Variants in PCDH9 observed in about 807,000 individuals in gnomAD.
The protein encoded by PCDH9 is protocadherin-9.
A neutral mutation model predicts 70.6 loss-of-function variants in PCDH9; 24 were observed. The observed-to-expected ratio is 0.34, with a 90% CI of 0.25 to 0.48. PCDH9 has a LOEUF of 0.48. PCDH9 is among the 20% of genes least tolerant of loss of function. PCDH9 has a pLI of 0.99. For synonymous variants in PCDH9, 562 were observed against 558.5 expected (o/e 1.01, Z -0.09); for missense variants, 1,281 against 1,503.6 (o/e 0.85, Z 2.45).
intron 4 of PCDH9, among the ~76,000 whole-genome samples, chr13:66,558,606 C>G (rs1244434015): frequency 6.6e-6 from 1 of 151,950 alleles, no homozygotes; most frequent in Non-Finnish European, 1.5e-5. Flanking sequence ...TCCTTCCTCT[C>G]TGAAACTTTC....
At chr13:66,988,992 G>A (rs894791838) in intron 2 of PCDH9, among the ~76,000 whole-genome samples, 2 of 151,884 alleles carry the variant, frequency 1.3e-5, no homozygotes, top group Non-Finnish European at 1.5e-5. Flanking sequence ...AGATATTCAT[G>A]TTATAGATAC....
At chr13:66,628,725 G>A (rs1332394459) in intron 4 of PCDH9, among the ~76,000 whole-genome samples, 1 of 152,100 alleles carries the variant, frequency 6.6e-6, no homozygotes, top group Non-Finnish European at 1.5e-5. Context: ...TCTTCAAATA[G>A]ATTTTCAGTA....
At chr13:66,572,706 T>C (rs73194743) in intron 4 of PCDH9, among the ~76,000 whole-genome samples, 1 of 152,050 alleles carries the variant, frequency 6.6e-6, no homozygotes, top group Non-Finnish European at 1.5e-5. Flanking sequence ...ATTGATCTCC[T>C]TTCTCTTGGA....
chr13:66,403,050 A>G (rs1305566196), intron 4 of PCDH9, among the ~76,000 whole-genome samples: 1 of 152,142 alleles, frequency 6.6e-6, no homozygotes, highest in Non-Finnish European at 1.5e-5. Context: ...TCTGAGAAAG[A>G]AGAAAAAGAC....
Position 67,228,223 on chromosome 13 carries a change from G to A in PCDH9, c.218C>T (p.Ala73Val). Residue 73 changes from alanine (A) to valine (V), a missense_variant, in exon 2 of 5, where the codon GCC becomes GTC. Physicochemically the swap from Ala to Val is moderately conservative, Grantham distance 64. Transcript: ENST00000377865. Reference protein sequence around the residue: ...VYRLVSKAGDAPLVKVSSSTG... With the variant: ...VYRLVSKAGDVPLVKVSSSTG... ...GCTGCTGGAAACTTTCACCAAAGGGGCATCCCCAGCTTTAGAAACCAGTCT... is the reference window on the plus strand; with the variant it reads ...GCTGCTGGAAACTTTCACCAAAGGGACATCCCCAGCTTTAGAAACCAGTCT... 6.2e-7 allele frequency: 1 copy of A among 1,612,380 alleles called. No homozygotes were observed.
At chr13:66,648,688 C>T (rs1192208056) in intron 3 of PCDH9, among the ~76,000 whole-genome samples, 2 of 151,932 alleles carry the variant, frequency 1.3e-5, no homozygotes, top group African/African-American at 4.8e-5. Context: ...TCTCAAGTAT[C>T]AAGACCATCC....
chr13:66,679,306 ATACC>A (rs943744028), intron 3 of PCDH9, among the ~76,000 whole-genome samples: 9 of 151,802 alleles, frequency 5.9e-5, no homozygotes, highest in African/African-American at 2.2e-4. Context: ...TACAATTATA[ATACC>A]TACATTATTA....
At chr13:67,102,490 A>G (rs2086454284) in intron 2 of PCDH9, among the ~76,000 whole-genome samples, 1 of 152,198 alleles carries the variant, frequency 6.6e-6, no homozygotes, top group South Asian at 2.1e-4. Flanking sequence ...AAATAACAAA[A>G]GTCAAAAGGT....
intron 4 of PCDH9, among the ~76,000 whole-genome samples, chr13:66,383,141 A>T (rs551458225): frequency 2.0e-5 from 3 of 152,342 alleles, no homozygotes; most frequent in African/African-American, 7.2e-5. Context: ...TTATTTTCTG[A>T]TGATCAACAA....
At chr13:66,900,249 A>G (rs931996927) in intron 3 of PCDH9, among the ~76,000 whole-genome samples, 1 of 151,894 alleles carries the variant, frequency 6.6e-6, no homozygotes, top group African/African-American at 2.4e-5. Flanking sequence ...AGCAAATTAC[A>G]TAACCTCTCA....
At chr13:66,437,404 C>CAAAAAAAAAAAAAAAAAAAAAA (rs66796123) in intron 4 of PCDH9, among the ~76,000 whole-genome samples, 2 of 45,588 alleles carry the variant, frequency 4.4e-5, no homozygotes, top group African/African-American at 1.4e-4. Context: ...GACTCTGTCT[C>CAAAAAAAAAAAAAAAAAAAAAA]AAAAAAAAAA....
At chr13:67,184,563 T>G (rs375424297) in intron 2 of PCDH9, among the ~76,000 whole-genome samples, 25 of 152,206 alleles carry the variant, frequency 1.6e-4, no homozygotes, top group African/African-American at 5.8e-4. Flanking sequence ...ACCCCGTCTC[T>G]ATAAAAAAAT....
intron 4 of PCDH9, among the ~76,000 whole-genome samples, chr13:66,438,618 C>A (rs1318713668): frequency 6.6e-6 from 1 of 152,044 alleles, no homozygotes; most frequent in Non-Finnish European, 1.5e-5. Flanking sequence ...CTGTTACGGC[C>A]CTTGCAACAC....
chr13:66,326,146 T>A (rs1593801607), intron 4 of PCDH9, among the ~76,000 whole-genome samples: 1 of 152,052 alleles, frequency 6.6e-6, no homozygotes, highest in East Asian at 1.9e-4. Flanking sequence ...AAAATTATTT[T>A]CCTCCTGTAC....
chr13:66,640,158 T>C (rs961812133), intron 3 of PCDH9, among the ~76,000 whole-genome samples: 1 of 152,192 alleles, frequency 6.6e-6, no homozygotes, highest in African/African-American at 2.4e-5. Context: ...GATAAATATA[T>C]AGACATCACA....
chr13:66,627,014 C>G (rs1464106388), intron 4 of PCDH9, among the ~76,000 whole-genome samples: 7 of 148,228 alleles, frequency 4.7e-5, no homozygotes, highest in Admixed American at 4.7e-4. Flanking sequence ...TATATTAAAG[C>G]CTGAAGTTTA....
chr13:66,743,899 A>C (rs1449013515), intron 3 of PCDH9, among the ~76,000 whole-genome samples: 2 of 152,204 alleles, frequency 1.3e-5, no homozygotes, highest in Non-Finnish European at 2.9e-5. Flanking sequence ...TATTAGACGT[A>C]ATGCCTGCTC....
chr13:66,738,069 G>A (rs2139191900), intron 3 of PCDH9, among the ~76,000 whole-genome samples: 1 of 152,338 alleles, frequency 6.6e-6, no homozygotes, highest in African/African-American at 2.4e-5. Flanking sequence ...AAAGACAGCA[G>A]TAACCTCTGC....
intron 3 of PCDH9, among the ~76,000 whole-genome samples, chr13:66,804,252 G>C (rs2080376039): frequency 6.6e-6 from 1 of 152,110 alleles, no homozygotes; most frequent in Non-Finnish European, 1.5e-5. Flanking sequence ...ACTCATCCCT[G>C]GGTTAGCAGC....
Sources: allele counts gnomAD v4.1 joint callset (sites outside exome capture counted in the v4.1 genomes callset), GRCh38; gene constraint gnomAD v4.1.1; transcripts MANE v1.5; gene names NCBI Gene and HGNC (gene_info 2026-07-23, HGNC 2026-07-21).